Variants in RITA1 observed in about 807,000 individuals in gnomAD.
The protein encoded by RITA1 is RBPJ-interacting and tubulin-associated protein 1.
A neutral mutation model predicts 8.7 loss-of-function variants in RITA1; 15 were observed. The observed-to-expected ratio is 1.72, with a 90% CI of 1.15 to 2.65. The LOEUF is 2.65. RITA1 is among the 30% of genes most tolerant of loss of function. The probability of loss-of-function intolerance (pLI) is 0.00; values close to 1 mark genes in which losing one functional copy is unlikely to be tolerated. For missense variants in RITA1, 330 were observed against 363.8 expected (o/e 0.91, Z 0.76); for synonymous variants, 145 against 156.2 (o/e 0.93, Z 0.53).
intron 1 of RITA1, 27 bp from the exon 2 acceptor site, chr12:113,186,158 A>G: frequency 7.1e-7 from 1 of 1,410,158 alleles, no homozygotes; most frequent in Admixed American, 2.1e-5. Context: ...CAAGCTCTGG[A>G]CTCAGATTTC....
At chr12:113,190,312 A>C (rs1952586841) in intron 3 of RITA1, among the ~76,000 whole-genome samples, 1 of 151,998 alleles carries the variant, frequency 6.6e-6, no homozygotes, top group Non-Finnish European at 1.5e-5. Context: ...AGCCTGGGTG[A>C]CAGAGCGAGA....
intron 3 of RITA1, among the ~76,000 whole-genome samples, chr12:113,190,650 AAAG>A (rs1430579239): frequency 6.6e-6 from 1 of 152,220 alleles, no homozygotes; most frequent in African/African-American, 2.4e-5. Context: ...CGTGTCTCAC[AAAG>A]AAAAGAAAAA....
intron 3 of RITA1, among the ~76,000 whole-genome samples, chr12:113,189,101 T>C (rs1952571922): frequency 6.6e-6 from 1 of 152,076 alleles, no homozygotes; most frequent in Admixed American, 6.6e-5. Flanking sequence ...TGAGCCACCA[T>C]GTCTGGCCAG....
In RITA1 at chr12:113,191,357, C is replaced by G. The variant is rs776374179; in HGVS notation, c.350C>G (p.Ser117Cys). 1.0e-5 allele frequency: 16 copies of G among 1,578,370 alleles called. No individual in the cohort carries two copies. In the East Asian group the frequency reaches 3.4e-4, roughly 33 times the overall value. ...PSYCDESLFGSRSEGASFGAP... is the reference protein window; with the variant it reads ...PSYCDESLFGCRSEGASFGAP... ...TACTGTGATGAGTCGCTGTTTGGCT[C>G]CCGATCTGAAGGCGCCAGCTTCGGG... The change falls in exon 4 of 4, where the codon TCC becomes TGC. Residue 117 changes from serine (S) to cysteine (C), a missense_variant. By Grantham distance (112) the Ser-to-Cys change is moderately radical. Coordinates refer to ENST00000548278, the MANE Select transcript of RITA1 (RefSeq NM_032848.3). This position sits in a 1 kb window ranked among gnomAD's most constrained non-coding sequence, Gnocchi z 4.0.
chr12:113,189,275 GAA>G (rs910097342), intron 3 of RITA1, among the ~76,000 whole-genome samples: 3 of 151,964 alleles, frequency 2.0e-5, no homozygotes, highest in African/African-American at 7.3e-5. Flanking sequence ...TCAGATGAGA[GAA>G]ATGAAATGAG....
Position 113,185,965 on chromosome 12 carries a change from AG to A in RITA1, c.-252del. 1 of 1,535,228 alleles carries A rather than the reference AG, an allele frequency of 6.5e-7. No homozygotes were observed. The highest frequency in any genetic ancestry group is 8.7e-7 in the Non-Finnish European group (1 of 1,146,226). On this transcript the variant is annotated 5_prime_UTR_variant, in exon 1 of 4. An upstream open reading frame in the 5' UTR loses its in-frame stop. Coordinates refer to ENST00000548278, the MANE Select transcript of RITA1 (RefSeq NM_032848.3). ...ACCGACGGGTCCAGACCTGGTGGGA[AG>A]AAGGTGCGGGGACGGGTCCCTGAGG... is the stretch of plus-strand genomic sequence containing the variant.
At chr12:113,187,202 C>T (rs1174455860) in intron 3 of RITA1, 154 bp downstream of exon 3, 5 of 755,638 alleles carry the variant, frequency 6.6e-6, no homozygotes, top group Non-Finnish European at 2.1e-6. Context: ...ATTATTCCTA[C>T]CTAGGGGGAT....
intron 1 of RITA1, 29 bp downstream of exon 1, chr12:113,186,050 C>T (rs1333292620): frequency 2.0e-6 from 3 of 1,536,008 alleles, no homozygotes; most frequent in South Asian, 2.4e-5. Flanking sequence ...AATGCAGGGA[C>T]CTCGGGCACT....
At chr12:113,186,571 G>A (rs1714322957) in intron 2 of RITA1, 112 bp from the exon 3 acceptor site, 1 of 1,406,980 alleles carries the variant, frequency 7.1e-7, no homozygotes. Context: ...TCCCCTTTGA[G>A]AGACTGGTTG....
chr12:113,187,757 C>CAAAAAAAAA (rs34828582), intron 3 of RITA1, among the ~76,000 whole-genome samples: 1 of 108,468 alleles, frequency 9.2e-6, no homozygotes, highest in African/African-American at 3.7e-5. Context: ...ACCCTGTCTC[C>CAAAAAAAAA]AAAAAAAAAA....
chr12:113,187,795 C>T (rs1426412399), intron 3 of RITA1, among the ~76,000 whole-genome samples: 6 of 149,514 alleles, frequency 4.0e-5, no homozygotes, highest in Non-Finnish European at 7.4e-5. Flanking sequence ...ATGGTTCTTG[C>T]TGCATTTTTA....
chr12:113,190,155 C>T (rs1313445386), intron 3 of RITA1, among the ~76,000 whole-genome samples: 2 of 151,616 alleles, frequency 1.3e-5, no homozygotes, highest in African/African-American at 4.8e-5. Flanking sequence ...TGGTGAAACC[C>T]CCCCCGTCTC....
chr12:113,187,520 G>A (rs944062768), intron 3 of RITA1, among the ~76,000 whole-genome samples: 3 of 152,266 alleles, frequency 2.0e-5, no homozygotes, highest in African/African-American at 7.2e-5. Context: ...CAGAACGTTT[G>A]GAGGTTGAGG....
chr12:113,190,706 A>C (rs1347463021), intron 3 of RITA1, among the ~76,000 whole-genome samples: 1 of 152,352 alleles, frequency 6.6e-6, no homozygotes, highest in African/African-American at 2.4e-5. Flanking sequence ...TGTGACTCTC[A>C]ATTGCAAGTG....
At chr12:113,190,600 G>A (rs983095795) in intron 3 of RITA1, among the ~76,000 whole-genome samples, 2 of 152,224 alleles carry the variant, frequency 1.3e-5, no homozygotes, top group Admixed American at 6.5e-5. Context: ...TGTGATCTGT[G>A]ACTGTGCCAC....
chr12:113,187,332 G>T, intron 3 of RITA1: 1 of 356,636 alleles, frequency 2.8e-6, no homozygotes, highest in Non-Finnish European at 5.1e-6. Flanking sequence ...ATCCCCAAAT[G>T]TCACAAACTG....
At position 113,187,299 on chromosome 12, in the gene RITA1, A is replaced by T. The variant is rs1372505397; in HGVS notation, c.302+251A>T. 9.4e-6 allele frequency: 4 copies of T among 425,512 alleles called. No homozygotes were observed. The South Asian group carries it at 2.2e-4, about 24-fold the overall frequency. 26.4% of individuals were successfully genotyped at this position (425,512 alleles called of 1,614,324 possible). On this transcript the variant is annotated intron_variant, in intron 3 of 3. Coordinates refer to ENST00000548278, the MANE Select transcript of RITA1 (RefSeq NM_032848.3). ...AAGCTGTCAATAAATGGTAGTGTTG[A>T]TGGTTGTGATGGTGAACTCCCTATC...
In RITA1 at chr12:113,191,755, T is replaced by C. The variant is rs895707501; in HGVS notation, c.748T>C (p.Ser250Pro). The C allele has an allele frequency of 6.2e-7, 1 of 1,613,778 alleles. No homozygotes were observed. Among genetic ancestry groups the C allele is most frequent in the Non-Finnish European group, 8.5e-7 (1 of 1,179,950 alleles). The change falls in exon 4 of 4, where the codon TCA becomes CCA. Residue 250 changes from serine to proline, a missense_variant. By Grantham distance (74) the Ser-to-Pro change is moderately conservative (BLOSUM62 -1). Coordinates refer to ENST00000548278, the MANE Select transcript of RITA1 (RefSeq NM_032848.3). The surrounding 1 kb of genome is among the most constrained non-coding windows in gnomAD (Gnocchi z 4.0). ...VTSRARSVSI[S>P]VPSTPRRGGA... is the part of the protein sequence containing the mutation. Reference sequence around the variant, plus strand: ...TTCCAGGGCTCGCTCAGTTAGCATTTCAGTGCCATCTACCCCACGACGAGG... The same window carrying C: ...TTCCAGGGCTCGCTCAGTTAGCATTCCAGTGCCATCTACCCCACGACGAGG...
Position 113,186,310 on chromosome 12 carries a change from G to A in RITA1, c.-71G>A. ...TGAAACAATGCTTGTAAAGCTCTTT[G>A]CAGGAGGTAGGCATGGGATCCACGC... On this transcript the variant is annotated 5_prime_UTR_variant, in exon 2 of 4. Transcript: ENST00000548278. The A allele has an allele frequency of 7.2e-7, 1 of 1,384,888 alleles. No homozygotes were observed. Among genetic ancestry groups the A allele is most frequent in the Non-Finnish European group, 9.3e-7 (1 of 1,070,296 alleles). The allele number at this position is 1,384,888 out of a possible 1,614,324, so 85.8% of individuals were successfully genotyped here. A position where few individuals can be genotyped will look rare whatever the true frequency, so the allele number is the denominator to read the frequency against.
Sources: gnomAD v4.1 joint callset for allele counts (sites outside exome capture counted in the v4.1 genomes callset) on GRCh38, gnomAD v4.1.1 for gene constraint, Gnocchi (gnomAD v3.1) non-coding constraint, MANE v1.5 for transcripts, NCBI Gene and HGNC (gene_info 2026-07-23, HGNC 2026-07-21) for gene names.